DDRGK1: variants seen among roughly 807,000 people sequenced by gnomAD.
DDRGK1 encodes the protein DDRGK domain containing 1, also known as DDRGK domain-containing protein 1.
A neutral mutation model predicts 45.8 loss-of-function variants in DDRGK1; 38 were observed. The ratio of observed to expected loss-of-function variants is 0.83; its 90% CI spans 0.64 to 1.09. The LOEUF (loss-of-function observed/expected upper bound fraction) is 1.09, where lower values mean the gene tolerates loss of function less well. DDRGK1 is among the 50% of genes least tolerant of loss of function. The probability of loss-of-function intolerance (pLI) is 0.00; values close to 1 mark genes in which losing one functional copy is unlikely to be tolerated. For missense variants in DDRGK1, 403 were observed against 419.9 expected (o/e 0.96, Z 0.35); for synonymous variants, 171 against 168.7 (o/e 1.01, Z -0.11).
Position 3,203,367 on chromosome 20 carries a change from C to T in DDRGK1, c.141G>A (p.Val47=), listed in dbSNP as rs759784856. ...CAGGCTCCAGGGGCCCAGGCTGGGC[C>T]ACCCGGCCTGCTCCTGCCAGCTCCT... ...HNEELAGAGR[V]AQPGPLEPEE... is the part of the protein sequence containing the mutation. Residue 47 remains valine, a synonymous_variant, in exon 2 of 9, where the codon GTG becomes GTA. Coordinates refer to ENST00000354488, the MANE Select transcript of DDRGK1 (RefSeq NM_023935.3). 2.5e-6 allele frequency: 4 copies of T among 1,607,260 alleles called. No homozygotes were observed. In the Admixed American group the frequency reaches 6.8e-5, roughly 27 times the overall value.
At chr20:3,203,135 C>G in intron 2 of DDRGK1, 78 bp downstream of exon 2, 1 of 1,343,598 alleles carries the variant, frequency 7.4e-7, no homozygotes, top group Non-Finnish European at 1.0e-6. Flanking sequence ...ATACCCTACT[C>G]CCCCACTTAG....
At chr20:3,194,233 C>G (rs957642336) in intron 6 of DDRGK1, among the ~76,000 whole-genome samples, 6 of 152,194 alleles carry the variant, frequency 3.9e-5, no homozygotes, top group Middle Eastern at 3.2e-3. Context: ...GCCTCTGCAC[C>G]TCTGAGTTGC....
In DDRGK1 at chr20:3,204,677, T is replaced by G. The variant is rs1173960564; in HGVS notation, c.-50A>C. ...CTGCGTCCACCCTGAGGCCGGGATC[T>G]CATAGGCCCCGCCCCTATTTCCCAA... is the stretch of plus-strand genomic sequence containing the variant. On this transcript the variant is annotated 5_prime_UTR_variant, in exon 1 of 9. Transcript: ENST00000354488. 14 of 1,521,678 alleles carry G rather than the reference T, an allele frequency of 9.2e-6. No individual in the cohort carries two copies. Among genetic ancestry groups the G allele is most frequent in the Non-Finnish European group, 1.2e-5 (14 of 1,131,600 alleles). 94.3% of individuals were successfully genotyped at this position (1,521,678 alleles called of 1,614,324 possible).
chr20:3,203,389 T>C lies in DDRGK1; in HGVS notation c.119A>G (p.Glu40Gly), dbSNP rs1330594827. 6.2e-7 allele frequency: 1 copy of C among 1,600,188 alleles called. No individual in the cohort carries two copies. Among genetic ancestry groups the C allele is most frequent in the South Asian group, 1.1e-5 (1 of 90,138 alleles). ...SAGQEPLHNE[E>G]LAGAGRVAQP... ...GGCCACCCGGCCTGCTCCTGCCAGC[T>C]CCTCATTGTGCAGTGGCTCTTGGCC... is the stretch of plus-strand genomic sequence containing the variant. Residue 40 changes from glutamate (E) to glycine (G), a missense_variant, in exon 2 of 9, where the codon GAG (glutamate) becomes GGG (glycine). Physicochemically the swap from Glu to Gly is moderately conservative, Grantham distance 98. Transcript: ENST00000354488.
At chr20:3,203,619 G>C (rs1203726119) in intron 1 of DDRGK1, among the ~76,000 whole-genome samples, 1 of 152,146 alleles carries the variant, frequency 6.6e-6, no homozygotes, top group African/African-American at 2.4e-5. Context: ...CCCTTCCCTC[G>C]GGCCTGTGTG....
chr20:3,204,418 G>T, intron 1 of DDRGK1, 119 bp downstream of exon 1: 1 of 1,008,720 alleles, frequency 9.9e-7, no homozygotes, highest in Non-Finnish European at 1.4e-6. Context: ...GCGCACGGAC[G>T]CGCATGCGTC....
rs2066984536 is a variant in DDRGK1 at position 3,190,468 on chromosome 20, G to C, written c.*185C>G. On this transcript the variant is annotated 3_prime_UTR_variant, in exon 9 of 9. Transcript: ENST00000354488. Reference sequence around the variant, plus strand: ...ATATTCTGAAGCCTAAATTTCACCTGCTTATCTAGGATCCTAGGCCAGGCC... The same window carrying C: ...ATATTCTGAAGCCTAAATTTCACCTCCTTATCTAGGATCCTAGGCCAGGCC... 1 of 700,944 alleles carries C rather than the reference G, an allele frequency of 1.4e-6. No individual in the cohort carries two copies. Among genetic ancestry groups the C allele is most frequent in the East Asian group, 2.7e-5 (1 of 36,488 alleles). The allele number at this position is 700,944 out of a possible 1,614,324, so 43.4% of individuals were successfully genotyped here.
chr20:3,200,210 C>T (rs957347145), intron 3 of DDRGK1, 108 bp from the exon 4 acceptor site: 33 of 1,466,496 alleles, frequency 2.3e-5, no homozygotes, highest in South Asian at 3.9e-5. Context: ...CAGACCCAGG[C>T]GGCAGGAGAC....
At chr20:3,195,100 T>C in intron 5 of DDRGK1, 131 bp downstream of exon 5, 4 of 1,503,658 alleles carry the variant, frequency 2.7e-6, no homozygotes, top group Non-Finnish European at 3.6e-6. Flanking sequence ...CACTAAAGCC[T>C]GCTGGTACTG....
intron 2 of DDRGK1, among the ~76,000 whole-genome samples, chr20:3,202,026 C>G (rs1160130619): frequency 3.0e-3 from 382 of 126,968 alleles, no homozygotes; most frequent in Middle Eastern, 0.027. Context: ...GTCGCCCAGG[C>G]TGGAGTGCAG....
Position 3,195,905 on chromosome 20 carries a change from C to G in DDRGK1, c.511-552G>C, listed in dbSNP as rs373315620. Among the ~76,000 whole-genome samples the G allele has an allele frequency of 1.2e-3, 178 of 152,216 alleles. 2 individuals are homozygous for G. In the South Asian group the frequency reaches 0.021, roughly 18 times the overall value. ...TATGTCTGTCCTCTCAGTGATCCTT[C>G]TTTCCTCCCTTGGCTTCCAGATCCC... On this transcript the variant is annotated intron_variant, in intron 4 of 8. Coordinates refer to ENST00000354488, the MANE Select transcript of DDRGK1 (RefSeq NM_023935.3).
In DDRGK1 at chr20:3,204,619, C is replaced by A. The variant is rs760307305; in HGVS notation, c.9G>T (p.Ala3=). The change falls in exon 1 of 9, where the codon GCG becomes GCT. Residue 3 remains alanine, a synonymous_variant. Coordinates refer to ENST00000354488, the MANE Select transcript of DDRGK1 (RefSeq NM_023935.3). MV[A]PVWYLVAAAL... is the part of the protein sequence containing the mutation. ...CCGCCGCTACCAAGTACCACACAGG[C>A]GCCACCATGACGAGGGCCTCAGTGC... is the stretch of plus-strand genomic sequence containing the variant. 5 of 1,587,182 alleles carry A rather than the reference C, an allele frequency of 3.2e-6. No homozygotes were observed. The highest frequency in any genetic ancestry group is 3.4e-6 in the Non-Finnish European group (4 of 1,170,810).
intron 6 of DDRGK1, 117 bp from the exon 7 acceptor site, chr20:3,191,938 T>A (rs67249524): frequency 2.2e-6 from 2 of 895,782 alleles, no homozygotes; most frequent in Admixed American, 4.8e-5. Context: ...GGAAAAACAC[T>A]GTACACACTC....
rs147853986 is a variant in DDRGK1 at position 3,203,334 on chromosome 20, C to G, written c.174G>C (p.Pro58=). The change falls in exon 2 of 9, where the codon CCG becomes CCC. Residue 58 remains proline, a synonymous_variant. Transcript: ENST00000354488. The part of the protein sequence containing the change: ...AQPGPLEPEE[P]RAGGRPRRRR... ...GGCGCCGAGGCCTGCCTCCAGCTCT[C>G]GGCTCCTCAGGCTCCAGGGGCCCAG... is the stretch of plus-strand genomic sequence containing the variant. 13 of 1,609,190 alleles carry G rather than the reference C, an allele frequency of 8.1e-6. No individual in the cohort carries two copies. Among genetic ancestry groups the G allele is most frequent in the Non-Finnish European group, 1.1e-5 (13 of 1,177,572 alleles).
chr20:3,204,406 T>C, intron 1 of DDRGK1, 131 bp downstream of exon 1: 1 of 902,300 alleles, frequency 1.1e-6, no homozygotes. Flanking sequence ...GGCACACGAC[T>C]AGCGCACGGA....
At chr20:3,193,441 C>T (rs1430553703) in intron 6 of DDRGK1, among the ~76,000 whole-genome samples, 4 of 151,954 alleles carry the variant, frequency 2.6e-5, no homozygotes, top group Non-Finnish European at 5.9e-5. Flanking sequence ...CACCATCTTG[C>T]CTCACTGCAA....
intron 4 of DDRGK1, among the ~76,000 whole-genome samples, chr20:3,198,723 A>AAAC (rs1179756101): frequency 6.9e-6 from 1 of 145,504 alleles, no homozygotes; most frequent in African/African-American, 2.6e-5. Flanking sequence ...AAAAAAACAA[A>AAAC]ACAGAAATTC....
intron 2 of DDRGK1, among the ~76,000 whole-genome samples, chr20:3,202,889 T>G (rs2067046207): frequency 6.6e-6 from 1 of 152,196 alleles, no homozygotes; most frequent in African/African-American, 2.4e-5. Context: ...CCAGGCACTC[T>G]GCCTCTAGGG....
intron 2 of DDRGK1, among the ~76,000 whole-genome samples, chr20:3,202,973 C>T (rs1164709769): frequency 6.6e-6 from 1 of 152,134 alleles, no homozygotes; most frequent in Non-Finnish European, 1.5e-5. Context: ...GAGGAACATT[C>T]TGAATCAAAC....
Sources: gnomAD v4.1 joint callset for allele counts (sites outside exome capture counted in the v4.1 genomes callset) on GRCh38, gnomAD v4.1.1 for gene constraint, MANE v1.5 for transcripts, NCBI Gene and HGNC (gene_info 2026-07-23, HGNC 2026-07-21) for gene names.